Variants in CHD8 observed in about 807,000 individuals in gnomAD.
The protein encoded by CHD8 is chromodomain helicase DNA binding protein 8, also known as ATP-dependent chromatin remodeler CHD8.
CHD8 carries 31 observed loss-of-function variants against 279.2 expected under a neutral mutation model. The observed-to-expected ratio is 0.11, with a 90% CI of 0.08 to 0.15. CHD8 has a LOEUF of 0.15. Among genes scored for constraint, CHD8 ranks in the 10% least tolerant of loss-of-function variants. CHD8 has a pLI of 1.00. For synonymous variants in CHD8, 1,081 were observed against 1,139.6 expected (o/e 0.95, Z 1.04); for missense variants, 2,146 against 3,230.5 (o/e 0.66, Z 8.14).
At position 21,450,262 on chromosome 14, in the gene CHD8, C is replaced by G. The variant is rs915365776; in HGVS notation, c.-216+5770G>C. Among the ~76,000 whole-genome samples, 4 of 152,272 alleles carry G rather than the reference C, an allele frequency of 2.6e-5. No individual in the cohort carries two copies. In the East Asian group the frequency reaches 5.8e-4, roughly 22 times the overall value. The stretch of plus-strand genomic sequence containing the variant: ...AAATTCTGTTATGATTTGGGTGTAT[C>G]TAAATAAGCAGCCAAACTATAGAAA... On this transcript the variant is annotated intron_variant, in intron 1 of 37. Transcript: ENST00000646647.
intron 1 of CHD8, chr14:21,437,079 G>A: frequency 1.3e-6 from 1 of 799,038 alleles, no homozygotes. Context: ...GGGGGGTGTG[G>A]ATGCCCGGGA....
intron 1 of CHD8, among the ~76,000 whole-genome samples, chr14:21,452,290 C>A (rs1422529915): frequency 6.7e-6 from 1 of 149,510 alleles, no homozygotes; most frequent in South Asian, 2.3e-4. Flanking sequence ...GCTGGGATTA[C>A]AGGCGTGAGC....
intron 1 of CHD8, among the ~76,000 whole-genome samples, chr14:21,443,091 TAAAG>T (rs1383794646): frequency 1.3e-5 from 2 of 152,128 alleles, no homozygotes; most frequent in African/African-American, 4.8e-5. Flanking sequence ...CTATGCAGGA[TAAAG>T]AAAACACTTA....
chr14:21,449,213 G>A (rs1350525507), intron 1 of CHD8, among the ~76,000 whole-genome samples: 3 of 152,012 alleles, frequency 2.0e-5, no homozygotes, highest in African/African-American at 7.2e-5. Flanking sequence ...AGGTTGGCTG[G>A]ATAATAAATG....
chr14:21,387,166 G>C (rs887636158), intron 37 of CHD8, among the ~76,000 whole-genome samples: 10 of 152,188 alleles, frequency 6.6e-5, no homozygotes, highest in African/African-American at 2.4e-4. Flanking sequence ...GAATAACGTA[G>C]TGCTAGATTC....
rs571835931 is a variant in CHD8 at position 21,391,044 on chromosome 14, T to C, written c.7085A>G (p.Lys2362Arg). Residue 2362 changes from lysine to arginine, a missense_variant, in exon 37 of 38, where the codon AAA becomes AGA. By Grantham distance (26) the Lys-to-Arg change is conservative. Transcript: ENST00000646647. Reference protein sequence around the residue: ...RFLAYMEDRRKQKWQRCKKNN... With the variant: ...RFLAYMEDRRRQKWQRCKKNN... ...TTTTTTACATCTTTGCCACTTCTGT[T>C]TTCTGCGATCCTCCATATACTGCAA... 1.2e-5 allele frequency: 19 copies of C among 1,586,836 alleles called. No individual in the cohort carries two copies. In the East Asian group the frequency reaches 4.1e-4, roughly 34 times the overall value.
At chr14:21,418,673 G>A (rs1279724668) in intron 5 of CHD8, among the ~76,000 whole-genome samples, 1 of 152,114 alleles carries the variant, frequency 6.6e-6, no homozygotes, top group African/African-American at 2.4e-5. Context: ...AAAATTAGCT[G>A]GGCGTGGTGG....
In CHD8 at chr14:21,385,683, C is replaced by T. The variant is rs1370085855; in HGVS notation, c.7676G>A (p.Arg2559Lys). ...DLSQGYDSSERDFSLIDDPMM... is the reference protein window; with the variant it reads ...DLSQGYDSSEKDFSLIDDPMM... Reference sequence around the variant, plus strand: ...AGGATCATCAATGAGTGAGAAGTCCCTTTCTGAGCTATCATAGCCCTGAGA... The same window carrying T: ...AGGATCATCAATGAGTGAGAAGTCCTTTTCTGAGCTATCATAGCCCTGAGA... The change falls in exon 38 of 38, where the codon AGG becomes AAG. Residue 2559 changes from arginine to lysine, a missense_variant. Physicochemically the swap from Arg to Lys is conservative, Grantham distance 26. Coordinates refer to ENST00000646647, the MANE Select transcript of CHD8 (RefSeq NM_001170629.2). 1.3e-6 allele frequency: 2 copies of T among 1,551,844 alleles called. No individual in the cohort carries two copies. Among genetic ancestry groups the T allele is most frequent in the Non-Finnish European group, 1.7e-6 (2 of 1,147,054 alleles).
At chr14:21,404,098 TAA>T (rs112420804) in intron 16 of CHD8, among the ~76,000 whole-genome samples, 14 of 132,112 alleles carry the variant, frequency 1.1e-4, no homozygotes, top group Admixed American at 2.3e-4. Context: ...GACTCCACCT[TAA>T]AAAAAAAAAA....
intron 1 of CHD8, among the ~76,000 whole-genome samples, chr14:21,447,425 G>A (rs993217922): frequency 1.4e-5 from 2 of 147,848 alleles, no homozygotes; most frequent in African/African-American, 5.0e-5. Context: ...AGGTTTGAAT[G>A]CAGTACCACG....
intron 30 of CHD8, 96 bp downstream of exon 30, chr14:21,394,816 G>T: frequency 7.5e-7 from 1 of 1,324,948 alleles, no homozygotes. Flanking sequence ...TGGTCCCTCT[G>T]TAGAGAATTC....
chr14:21,393,030 T>A, intron 33 of CHD8, 76 bp downstream of exon 33: 2 of 1,474,394 alleles, frequency 1.4e-6, no homozygotes, highest in South Asian at 2.6e-5. Context: ...CAGAACCATA[T>A]GTTCCTTTTT....
intron 5 of CHD8, 72 bp from the exon 6 acceptor site, chr14:21,415,979 A>C (rs956588295): frequency 7.9e-6 from 10 of 1,270,858 alleles, no homozygotes; most frequent in Non-Finnish European, 1.1e-5. Context: ...TTATTTGCTC[A>C]TGGTCATATA....
intron 4 of CHD8, 54 bp from the exon 5 acceptor site, chr14:21,426,296 T>TA: frequency 1.1e-6 from 1 of 871,190 alleles, no homozygotes. Context: ...AATTTAGGAG[T>TA]AAAAAAACAT....
intron 16 of CHD8, chr14:21,404,971 A>C (rs1248018542): frequency 2.0e-6 from 1 of 504,260 alleles, no homozygotes; most frequent in African/African-American, 1.9e-5. Context: ...AGCTAGAACC[A>C]CAGATGCCTG....
intron 13 of CHD8, 102 bp from the exon 14 acceptor site, chr14:21,407,134 A>G: frequency 1.1e-6 from 1 of 878,640 alleles, no homozygotes; most frequent in Non-Finnish European, 1.7e-6. Flanking sequence ...AATAGGCAAT[A>G]CAAACTGCAC....
At chr14:21,455,308 G>A (rs997454468) in intron 1 of CHD8, among the ~76,000 whole-genome samples, 1 of 152,222 alleles carries the variant, frequency 6.6e-6, no homozygotes, top group East Asian at 1.9e-4. Flanking sequence ...AGCTGCTGCA[G>A]GGAAATTCCC....
intron 1 of CHD8, among the ~76,000 whole-genome samples, chr14:21,440,932 A>G (rs892477644): frequency 3.9e-5 from 6 of 152,120 alleles, no homozygotes; most frequent in African/African-American, 1.4e-4. Context: ...AACATTTGCT[A>G]GTTTTTTTCT....
chr14:21,437,723 G>A (rs1243240008), intron 1 of CHD8, among the ~76,000 whole-genome samples: 1 of 152,174 alleles, frequency 6.6e-6, no homozygotes, highest in African/African-American at 2.4e-5. Context: ...CATCGTGGGA[G>A]TCAGCCCAGC....
Sources: allele counts gnomAD v4.1 joint callset (sites outside exome capture counted in the v4.1 genomes callset), GRCh38; gene constraint gnomAD v4.1.1; transcripts MANE v1.5; gene names NCBI Gene and HGNC (gene_info 2026-07-23, HGNC 2026-07-21).